The following HOPX variants were observed in gnomAD, a reference collection of about 807,000 sequenced individuals.
HOPX encodes the protein homeodomain-only protein.
Under a neutral mutation model 11.8 loss-of-function variants are expected in HOPX, and 5 were observed. The ratio of observed to expected loss-of-function variants is 0.43; its 90% CI spans 0.22 to 0.89. The LOEUF (loss-of-function observed/expected upper bound fraction) is 0.89, where lower values mean the gene tolerates loss of function less well. HOPX is among the 40% of genes least tolerant of loss of function. The probability of loss-of-function intolerance (pLI) is 0.28; values close to 1 mark genes in which losing one functional copy is unlikely to be tolerated. For missense variants in HOPX, 119 were observed against 120.0 expected (o/e 0.99, Z 0.04); for synonymous variants, 49 against 49.7 (o/e 0.99, Z 0.06).
At chr4:56,676,663 C>T (rs1025989974) in intron 1 of HOPX, 18 of 151,588 alleles carry the variant, frequency 1.2e-4, no homozygotes, top group African/African-American at 3.2e-4. Context: ...CGACCTAATC[C>T]GTTCCCCAGA....
intron 1 of HOPX, chr4:56,659,095 T>G (rs7659288): frequency 0.52 from 79,335 of 152,044 alleles, 21,709 homozygotes; most frequent in African/African-American, 0.69. Context: ...CCAAAAAATT[T>G]CTTTGGGCTC....
chr4:56,670,699 A>T (rs938708936), intron 1 of HOPX, among the ~76,000 whole-genome samples: 2 of 152,198 alleles, frequency 1.3e-5, no homozygotes, highest in Non-Finnish European at 2.9e-5. Flanking sequence ...TTGGTAGTTT[A>T]AAAAAATCTA....
At chr4:56,681,419 C>T, upstream of HOPX, 3 of 986,066 alleles carry the variant, frequency 3.0e-6, no homozygotes, top group Non-Finnish European at 3.6e-6. Flanking sequence ...GCAGCGTGGG[C>T]AGGAGGTAAA....
chr4:56,675,570 T>C (rs1578363731), intron 1 of HOPX, among the ~76,000 whole-genome samples: 1 of 151,580 alleles, frequency 6.6e-6, no homozygotes, highest in East Asian at 1.9e-4. Flanking sequence ...CTGGGGAAGA[T>C]TGTTCAGCAT....
intron 1 of HOPX, 46 bp downstream of exon 1, chr4:56,681,209 A>T (rs1719305768): frequency 1.0e-6 from 1 of 982,750 alleles, no homozygotes. Flanking sequence ...GTTCCTGCAC[A>T]AACTCATTCC....
intron 1 of HOPX, chr4:56,678,756 A>AT (rs921725617): frequency 7.7e-4 from 115 of 148,548 alleles, no homozygotes; most frequent in Non-Finnish European, 1.2e-3. Context: ...CCAGTCACTG[A>AT]TTTTTTTTTT....
intron 3 of HOPX, among the ~76,000 whole-genome samples, chr4:56,652,014 T>C (rs568613498): frequency 2.6e-5 from 4 of 152,070 alleles, no homozygotes; most frequent in East Asian, 1.9e-4. Context: ...ATAAAAGACA[T>C]AGGGCTGGGA....
intron 1 of HOPX, chr4:56,680,957 T>G (rs1007726087): frequency 1.1e-6 from 1 of 899,740 alleles, no homozygotes; most frequent in African/African-American, 1.8e-5. Flanking sequence ...AAAGTTATCT[T>G]TCCAAAATAG....
At chr4:56,649,943 G>A (rs1324605534) in intron 3 of HOPX, 1 of 152,244 alleles carries the variant, frequency 6.6e-6, no homozygotes, top group Non-Finnish European at 1.5e-5. Flanking sequence ...ACATTGGAGA[G>A]GATGAGGACA....
At chr4:56,650,696 C>T (rs573576478) in intron 3 of HOPX, 19 of 1,551,658 alleles carry the variant, frequency 1.2e-5, no homozygotes, top group South Asian at 7.1e-5. Flanking sequence ...TACACTGGGG[C>T]GGCAGTAGAG....
intron 1 of HOPX, among the ~76,000 whole-genome samples, chr4:56,670,400 C>A (rs1002078032): frequency 2.6e-5 from 4 of 151,392 alleles, no homozygotes; most frequent in Non-Finnish European, 4.4e-5. Context: ...AACCTTTAAA[C>A]CAGAAGAGAA....
intron 1 of HOPX, among the ~76,000 whole-genome samples, chr4:56,678,213 C>T (rs1719122099): frequency 6.6e-6 from 1 of 151,336 alleles, no homozygotes; most frequent in Non-Finnish European, 1.5e-5. Flanking sequence ...CCTGAGCCTC[C>T]CAAGCCTCAT....
At chr4:56,656,535 G>A in intron 2 of HOPX, 2 of 940,296 alleles carry the variant, frequency 2.1e-6, no homozygotes, top group Non-Finnish European at 1.3e-6. Context: ...CAGTGGGTTG[G>A]CGCTTTGGGG....
In HOPX at chr4:56,657,783, G is replaced by T; in HGVS notation, c.34C>A (p.Leu12Met). The T allele has an allele frequency of 7.9e-7, 1 of 1,267,518 alleles. No individual in the cohort carries two copies. Among genetic ancestry groups the T allele is most frequent in the Non-Finnish European group, 1.1e-6 (1 of 887,368 alleles). 78.5% of individuals were successfully genotyped at this position (1,267,518 alleles called of 1,614,324 possible). Reference protein sequence around the residue: ...LIFLGCYRRRLEERAGTMSAE... With the variant: ...LIFLGCYRRRMEERAGTMSAE... ...AGAACCTTGGAAATTACCTCTTCCA[G>T]TCTTCTTCTGTAACAGCCCAGGAAA... The change falls in exon 2 of 4, where the codon CTG (leucine) becomes ATG (methionine). Residue 12 changes from leucine (L) to methionine (M), a missense_variant. Leu to Met is a conservative substitution (Grantham distance 15, BLOSUM62 2). Coordinates refer to ENST00000420433, the MANE Select transcript of HOPX (RefSeq NM_032495.6).
At chr4:56,651,341 G>GTA (rs1401601255) in intron 3 of HOPX, 1 of 152,726 alleles carries the variant, frequency 6.5e-6, no homozygotes, top group Admixed American at 6.5e-5. Flanking sequence ...TTTAAATCAA[G>GTA]TATATATATA....
At chr4:56,675,072 GA>G (rs1718939826) in intron 1 of HOPX, among the ~76,000 whole-genome samples, 1 of 151,592 alleles carries the variant, frequency 6.6e-6, no homozygotes, top group African/African-American at 2.4e-5. Context: ...GGCCAAATAA[GA>G]GGCTGAAGCA....
chr4:56,657,637 A>G, intron 2 of HOPX, 138 bp downstream of exon 2: 1 of 681,618 alleles, frequency 1.5e-6, no homozygotes, highest in Non-Finnish European at 2.7e-6. Context: ...CCCACCTAAA[A>G]ATCATAGCAC....
At chr4:56,679,140 G>C (rs953303492) in intron 1 of HOPX, 2 of 152,338 alleles carry the variant, frequency 1.3e-5, no homozygotes, top group African/African-American at 4.8e-5. Flanking sequence ...TACTTGGGAG[G>C]CTGAGGTGGG....
chr4:56,669,196 G>T (rs561745165), intron 1 of HOPX, among the ~76,000 whole-genome samples: 2 of 152,252 alleles, frequency 1.3e-5, no homozygotes, highest in South Asian at 4.2e-4. Flanking sequence ...GCTGACTCAA[G>T]AAAGAAGAAC....
Sources: gnomAD v4.1 joint callset for allele counts (sites outside exome capture counted in the v4.1 genomes callset) on GRCh38, gnomAD v4.1.1 for gene constraint, MANE v1.5 for transcripts, NCBI Gene and HGNC (gene_info 2026-07-23, HGNC 2026-07-21) for gene names.